The following DCC variants were observed in gnomAD, a reference collection of about 807,000 sequenced individuals.
DCC encodes DCC netrin 1 receptor, also known as netrin receptor DCC.
Under a neutral mutation model 172.5 loss-of-function variants are expected in DCC, and 58 were observed. That is an observed-to-expected ratio of 0.34 (90% CI 0.27 to 0.42). The LOEUF (loss-of-function observed/expected upper bound fraction) is 0.42, where lower values mean the gene tolerates loss of function less well. DCC is among the 10% of genes least tolerant of loss of function. The pLI is 1.00. For missense variants in DCC, 1,740 were observed against 1,791.0 expected (o/e 0.97, Z 0.51); for synonymous variants, 709 against 644.5 (o/e 1.10, Z -1.52).
At chr18:53,390,741 T>C (rs1034922946) in intron 16 of DCC, among the ~76,000 whole-genome samples, 2 of 152,168 alleles carry the variant, frequency 1.3e-5, no homozygotes, top group African/African-American at 4.8e-5. Flanking sequence ...AACACACACA[T>C]CATTTTGCAG....
At chr18:52,481,778 A>C (rs1045712950) in intron 1 of DCC, among the ~76,000 whole-genome samples, 3 of 152,236 alleles carry the variant, frequency 2.0e-5, no homozygotes, top group African/African-American at 7.2e-5. Context: ...CATCAGCAAA[A>C]TGGGGATAAT....
At chr18:52,711,323 G>A (rs982572154) in intron 1 of DCC, among the ~76,000 whole-genome samples, 4 of 152,062 alleles carry the variant, frequency 2.6e-5, no homozygotes, top group African/African-American at 7.2e-5. Flanking sequence ...TGCCTCCCGG[G>A]TTCAAGTGAT....
chr18:53,041,837 G>T (rs1419401470), intron 5 of DCC, among the ~76,000 whole-genome samples: 1 of 152,052 alleles, frequency 6.6e-6, no homozygotes. Flanking sequence ...AGGAATGCTT[G>T]TGATTTTTCC....
At chr18:52,553,802 A>G (rs1433358864) in intron 1 of DCC, among the ~76,000 whole-genome samples, 2 of 152,100 alleles carry the variant, frequency 1.3e-5, no homozygotes, top group Non-Finnish European at 2.9e-5. Flanking sequence ...TGTGAAAGCC[A>G]TTTCAGAGGA....
intron 14 of DCC, among the ~76,000 whole-genome samples, chr18:53,331,857 T>A (rs555436311): frequency 6.6e-6 from 1 of 152,286 alleles, no homozygotes; most frequent in Non-Finnish European, 1.5e-5. Context: ...ATCTTGATGG[T>A]TTTGTTAGGA....
chr18:53,003,139 G>A (rs943937397), intron 5 of DCC, among the ~76,000 whole-genome samples: 2 of 152,098 alleles, frequency 1.3e-5, no homozygotes, highest in African/African-American at 4.8e-5. Flanking sequence ...GTGCAGAGGT[G>A]GAAAGTGACT....
chr18:53,354,030 G>A (rs1209091183), intron 15 of DCC, among the ~76,000 whole-genome samples: 1 of 152,120 alleles, frequency 6.6e-6, no homozygotes, highest in East Asian at 1.9e-4. Context: ...TTCTGTCCTT[G>A]CGATAGTTTG....
At chr18:52,855,683 T>G (rs976790410) in intron 2 of DCC, among the ~76,000 whole-genome samples, 1 of 152,180 alleles carries the variant, frequency 6.6e-6, no homozygotes, top group Non-Finnish European at 1.5e-5. Context: ...AATGTGATAT[T>G]GTTAGAGGGG....
rs187070415 is a variant in DCC, at chr18:52,802,445, A to G, written c.412+50071A>G. Among the ~76,000 whole-genome samples the G allele has an allele frequency of 1.9e-3, 274 of 148,038 alleles. 2 individuals carry two copies. The highest frequency in any genetic ancestry group is 0.017 in the Middle Eastern group (5 of 288). ...GGTTAGCCATGCCAACCCCCACACAATCAAAAACCCATATATAACTTTTTA... is the reference window on the plus strand; with the variant it reads ...GGTTAGCCATGCCAACCCCCACACAGTCAAAAACCCATATATAACTTTTTA... On this transcript the variant is annotated intron_variant, in intron 2 of 28. Transcript: ENST00000442544.
chr18:53,355,818 T>C (rs965258553), intron 15 of DCC, among the ~76,000 whole-genome samples: 19 of 152,142 alleles, frequency 1.2e-4, no homozygotes, highest in Non-Finnish European at 2.6e-4. Context: ...CTGCACATAA[T>C]ATGATTTTTA....
At chr18:52,471,624 C>T (rs895932537) in intron 1 of DCC, among the ~76,000 whole-genome samples, 19 of 152,252 alleles carry the variant, frequency 1.2e-4, no homozygotes, top group Admixed American at 2.0e-4. Flanking sequence ...GCTGAAATCC[C>T]GGCATGAGGG....
intron 1 of DCC, among the ~76,000 whole-genome samples, chr18:52,553,069 C>A (rs1230851176): frequency 6.6e-6 from 1 of 151,908 alleles, no homozygotes; most frequent in African/African-American, 2.4e-5. Context: ...TTAGTTCATT[C>A]CAAAACGGCA....
chr18:52,833,535 A>G (rs989010215), intron 2 of DCC, among the ~76,000 whole-genome samples: 1 of 152,078 alleles, frequency 6.6e-6, no homozygotes, highest in Non-Finnish European at 1.5e-5. Flanking sequence ...GCTGAATCCC[A>G]TCCCAGAGTC....
At chr18:52,434,889 T>C (rs796242525) in intron 1 of DCC, among the ~76,000 whole-genome samples, 2 of 152,206 alleles carry the variant, frequency 1.3e-5, no homozygotes, top group Non-Finnish European at 2.9e-5. Flanking sequence ...GACCACAGCA[T>C]ATATTCCTCA....
intron 1 of DCC, among the ~76,000 whole-genome samples, chr18:52,367,081 G>A (rs765090773): frequency 2.6e-5 from 4 of 152,222 alleles, no homozygotes; most frequent in Admixed American, 2.6e-4. Context: ...GTGAGAAATC[G>A]AGCGCAGCGC....
At chr18:53,426,090 ATCTG>A (rs1183596020) in intron 21 of DCC, among the ~76,000 whole-genome samples, 1 of 151,500 alleles carries the variant, frequency 6.6e-6, no homozygotes, top group Non-Finnish European at 1.5e-5. Context: ...ACAGATCTTT[ATCTG>A]TCCAGCTCCT....
chr18:52,652,160 T>TA (rs200913232), intron 1 of DCC, among the ~76,000 whole-genome samples: 2,331 of 152,280 alleles, frequency 0.015, 32 homozygotes, highest in Middle Eastern at 0.024. Flanking sequence ...GGAGAGTTTT[T>TA]ATCCCTGTAG....
rs551986383 is a variant in DCC, at chr18:53,287,941, A to AT, written c.1912-17629dup. Among the ~76,000 whole-genome samples, 342 of 152,022 alleles carry AT rather than the reference A, an allele frequency of 2.2e-3. 2 individuals are homozygous for AT. Among genetic ancestry groups the AT allele is most frequent in the Non-Finnish European group, 3.8e-3 (256 of 67,922 alleles). ...TTGGTATAGGATAGAACTGGAGAGGATTTTTTTTAAGTTTAGAAGATTTAT... is the reference window on the plus strand; with the variant it reads ...TTGGTATAGGATAGAACTGGAGAGGATTTTTTTTTAAGTTTAGAAGATTTAT... On this transcript the variant is annotated intron_variant, in intron 12 of 28. Transcript: ENST00000442544.
intron 5 of DCC, among the ~76,000 whole-genome samples, chr18:52,974,508 C>G (rs2041083028): frequency 6.6e-6 from 1 of 152,174 alleles, no homozygotes; most frequent in Non-Finnish European, 1.5e-5. Flanking sequence ...AATCAAAACA[C>G]AAGTGCTGAT....
Sources: allele counts gnomAD v4.1 joint callset (sites outside exome capture counted in the v4.1 genomes callset), GRCh38; gene constraint gnomAD v4.1.1; transcripts MANE v1.5; gene names NCBI Gene and HGNC (gene_info 2026-07-23, HGNC 2026-07-21).